CLASP2: variants seen among roughly 807,000 people sequenced by gnomAD.
CLASP2 encodes CLIP-associating protein 2.
CLASP2 carries 47 observed loss-of-function variants against 194.4 expected under a neutral mutation model. The ratio of observed to expected loss-of-function variants is 0.24; its 90% CI spans 0.19 to 0.31. The LOEUF (loss-of-function observed/expected upper bound fraction) is 0.31. Ranked by LOEUF, CLASP2 falls within the 10% of genes least tolerant of loss-of-function variation. CLASP2 has a pLI of 1.00. For missense variants in CLASP2, 1,445 were observed against 1,823.6 expected (o/e 0.79, Z 3.78); for synonymous variants, 619 against 633.5 (o/e 0.98, Z 0.34).
intron 7 of CLASP2, among the ~76,000 whole-genome samples, chr3:33,657,000 T>C (rs994338038): frequency 1.3e-5 from 2 of 152,174 alleles, no homozygotes; most frequent in African/African-American, 2.4e-5. Context: ...AGTGTTCTCC[T>C]CTGTTTACAC....
chr3:33,631,571 C>T (rs1458718618), intron 9 of CLASP2, among the ~76,000 whole-genome samples: 2 of 152,010 alleles, frequency 1.3e-5, no homozygotes, highest in African/African-American at 4.8e-5. Flanking sequence ...GTGCAGGGCG[C>T]CTGTAATCTC....
Position 33,632,286 on chromosome 3 carries a change from C to A in CLASP2, c.942+6G>T. 1 of 1,586,780 alleles carries A rather than the reference C, an allele frequency of 6.3e-7. No homozygotes were observed. Among genetic ancestry groups the A allele is most frequent in the Non-Finnish European group, 8.6e-7 (1 of 1,165,208 alleles). On this transcript the variant is annotated splice_donor_region_variant and intron_variant, in intron 9 of 38. Coordinates refer to ENST00000682230, the MANE Select transcript of CLASP2 (RefSeq NM_001365631.1). ...TATTCACGGGGAGTGCCACTGGTAG[C>A]CTTACCTGAATAGAAGGGACATCTG...
At chr3:33,530,981 C>T (rs889223226) in intron 34 of CLASP2, among the ~76,000 whole-genome samples, 2 of 152,128 alleles carry the variant, frequency 1.3e-5, no homozygotes, top group Non-Finnish European at 2.9e-5. Flanking sequence ...AAAAATTATC[C>T]TAAAATTCAT....
intron 1 of CLASP2, 102 bp from the exon 2 acceptor site, chr3:33,697,035 A>C: frequency 2.9e-6 from 2 of 700,658 alleles, no homozygotes; most frequent in Non-Finnish European, 4.8e-6. Flanking sequence ...AATATATTAC[A>C]TTTTTTAAAA....
chr3:33,701,397 A>G (rs1415896538), intron 1 of CLASP2, among the ~76,000 whole-genome samples: 5 of 152,228 alleles, frequency 3.3e-5, no homozygotes, highest in African/African-American at 1.2e-4. Context: ...ATCGCTGGAG[A>G]CCTGCCTGGG....
chr3:33,571,460 C>A (rs1000979958), intron 25 of CLASP2, among the ~76,000 whole-genome samples: 2 of 151,608 alleles, frequency 1.3e-5, no homozygotes, highest in Non-Finnish European at 2.9e-5. Flanking sequence ...GAAACCCTGT[C>A]TCTACTAAAA....
chr3:33,538,764 AAAGT>A, intron 33 of CLASP2, 21 bp downstream of exon 33: 1 of 1,517,458 alleles, frequency 6.6e-7, no homozygotes, highest in Non-Finnish European at 8.8e-7. Flanking sequence ...AATAGTCTGG[AAAGT>A]AAGGATATTA....
chr3:33,587,207 G>C (rs1319734626), intron 21 of CLASP2, among the ~76,000 whole-genome samples: 1 of 151,274 alleles, frequency 6.6e-6, no homozygotes, highest in Non-Finnish European at 1.5e-5. Flanking sequence ...CTCACTGCAC[G>C]CTCTGCCACC....
intron 34 of CLASP2, among the ~76,000 whole-genome samples, chr3:33,522,878 G>A (rs888250015): frequency 2.0e-5 from 3 of 152,174 alleles, no homozygotes; most frequent in Admixed American, 2.0e-4. Context: ...AGACCATCCT[G>A]GCTAACACGG....
At chr3:33,510,456 G>A in intron 37 of CLASP2, 102 bp downstream of exon 37, 1 of 1,060,236 alleles carries the variant, frequency 9.4e-7, no homozygotes, top group Non-Finnish European at 1.4e-6. Flanking sequence ...AGACAAACGG[G>A]AGGAAGGCTT....
chr3:33,508,348 G>A (rs1043359538), intron 37 of CLASP2, among the ~76,000 whole-genome samples: 2 of 151,174 alleles, frequency 1.3e-5, no homozygotes, highest in Non-Finnish European at 1.5e-5. Context: ...TTTTTTGTTT[G>A]GAGATGGAGT....
intron 8 of CLASP2, among the ~76,000 whole-genome samples, chr3:33,639,090 C>T (rs571885673): frequency 2.6e-5 from 4 of 152,242 alleles, no homozygotes; most frequent in African/African-American, 7.2e-5. Flanking sequence ...GACAAGGTCT[C>T]GCTGTCACAT....
chr3:33,559,851 G>A (rs1003479053), intron 28 of CLASP2, among the ~76,000 whole-genome samples: 7 of 151,972 alleles, frequency 4.6e-5, no homozygotes, highest in Admixed American at 6.6e-5. Flanking sequence ...CCGAGATTGC[G>A]CCATTGCACT....
intron 22 of CLASP2, 33 bp downstream of exon 22, chr3:33,584,717 A>G: frequency 1.3e-6 from 2 of 1,508,232 alleles, no homozygotes; most frequent in Non-Finnish European, 8.8e-7. Flanking sequence ...AAAGGGTTAC[A>G]TGTCTCACAT....
chr3:33,696,442 C>CAGATCTCTG (rs1405945518), intron 2 of CLASP2, among the ~76,000 whole-genome samples: 1 of 131,492 alleles, frequency 7.6e-6, no homozygotes, highest in Non-Finnish European at 1.5e-5. Flanking sequence ...TGCTAAGTAG[C>CAGATCTCTG]AGATCTCTGG....
At chr3:33,680,968 T>C (rs1346931433) in intron 6 of CLASP2, among the ~76,000 whole-genome samples, 1 of 151,064 alleles carries the variant, frequency 6.6e-6, no homozygotes, top group Non-Finnish European at 1.5e-5. Flanking sequence ...CTACTAAGAA[T>C]ACAAAAATTA....
chr3:33,578,311 C>T (rs1309451857), intron 23 of CLASP2, among the ~76,000 whole-genome samples: 1 of 152,158 alleles, frequency 6.6e-6, no homozygotes, highest in Non-Finnish European at 1.5e-5. Context: ...AAATTTGTGA[C>T]ATATCTCCCT....
intron 18 of CLASP2, chr3:33,602,662 C>G (rs1472734333): frequency 5.6e-6 from 4 of 709,004 alleles, no homozygotes; most frequent in Non-Finnish European, 1.0e-5. Context: ...TCCCAAACCC[C>G]CTTAGAAACC....
chr3:33,564,800 G>A (rs749256540), intron 27 of CLASP2, among the ~76,000 whole-genome samples: 2 of 152,088 alleles, frequency 1.3e-5, no homozygotes. Flanking sequence ...TTGTTGTCCA[G>A]GTTAGTCTTG....
Sources: gnomAD v4.1 joint callset for allele counts (sites outside exome capture counted in the v4.1 genomes callset) on GRCh38, gnomAD v4.1.1 for gene constraint, MANE v1.5 for transcripts, NCBI Gene and HGNC (gene_info 2026-07-23, HGNC 2026-07-21) for gene names.